TNFSF4: variants seen among roughly 807,000 people sequenced by gnomAD.
TNFSF4 encodes the protein tumor necrosis factor ligand superfamily member 4.
TNFSF4 carries 4 observed loss-of-function variants against 7.3 expected under a neutral mutation model. That is an observed-to-expected ratio of 0.55 (90% confidence interval 0.27 to 1.25). TNFSF4 has a LOEUF of 1.25. Ranked by LOEUF, TNFSF4 falls within the 50% of genes most tolerant of loss-of-function variation. The probability of loss-of-function intolerance (pLI) is 0.12; values close to 1 mark genes in which losing one functional copy is unlikely to be tolerated. For missense variants in TNFSF4, 181 were observed against 208.8 expected (o/e 0.87, Z 0.82); for synonymous variants, 76 against 83.7 (o/e 0.91, Z 0.50).
chr1:173,435,005 C>A, the TNFSF4 span, among the ~76,000 whole-genome samples: 11 of 152,294 alleles, frequency 7.2e-5, no homozygotes, highest in African/African-American at 2.6e-4. Context: ...TGAGGTTCCA[C>A]CTATGAGCTG....
chr1:173,389,031 T>C, the TNFSF4 span, among the ~76,000 whole-genome samples: 1 of 152,246 alleles, frequency 6.6e-6, no homozygotes, highest in South Asian at 2.1e-4. Context: ...GTATGTTATG[T>C]GCATATATAA....
chr1:173,441,602 T>A, the TNFSF4 span, among the ~76,000 whole-genome samples: 1 of 152,142 alleles, frequency 6.6e-6, no homozygotes, highest in Non-Finnish European at 1.5e-5. Context: ...CCAGCCTGGG[T>A]GACAGAGCGA....
chr1:173,395,048 TA>T, the TNFSF4 span, among the ~76,000 whole-genome samples: 4 of 149,454 alleles, frequency 2.7e-5, no homozygotes, highest in South Asian at 2.1e-4. Flanking sequence ...GATAGATAGA[TA>T]GATAGATAGA....
the TNFSF4 span, among the ~76,000 whole-genome samples, chr1:173,302,417 G>T: frequency 6.6e-6 from 1 of 151,810 alleles, no homozygotes; most frequent in African/African-American, 2.4e-5. Context: ...GAAAGAGAAG[G>T]GTAAACCAGC....
At chr1:173,352,726 A>G in the TNFSF4 span, among the ~76,000 whole-genome samples, 1 of 152,216 alleles carries the variant, frequency 6.6e-6, no homozygotes, top group African/African-American at 2.4e-5. Context: ...ACAGGGTTCA[A>G]GAGCAGAGAA....
the TNFSF4 span, among the ~76,000 whole-genome samples, chr1:173,236,985 A>C: frequency 6.6e-6 from 1 of 152,222 alleles, no homozygotes; most frequent in Admixed American, 6.5e-5. Context: ...GGGTAGAGCC[A>C]GATGGAGATA....
chr1:173,388,151 A>G, the TNFSF4 span, among the ~76,000 whole-genome samples: 12 of 152,262 alleles, frequency 7.9e-5, no homozygotes, highest in African/African-American at 2.7e-4. Flanking sequence ...AATAAATGCT[A>G]AATATAATAA....
chr1:173,221,425 A>G, the TNFSF4 span, among the ~76,000 whole-genome samples: 1 of 152,196 alleles, frequency 6.6e-6, no homozygotes, highest in Admixed American at 6.5e-5. Context: ...ATAAGATGTA[A>G]AGTGCCTTGA....
the TNFSF4 span, among the ~76,000 whole-genome samples, chr1:173,283,449 G>A: frequency 2.6e-5 from 4 of 152,100 alleles, no homozygotes; most frequent in Non-Finnish European, 4.4e-5. Context: ...CCCACAGTAA[G>A]CCAGAAACCT....
At chr1:173,291,388 A>G in the TNFSF4 span, among the ~76,000 whole-genome samples, 8 of 152,146 alleles carry the variant, frequency 5.3e-5, no homozygotes, top group African/African-American at 1.9e-4. Context: ...TCAACATGAG[A>G]TATGGGCAGG....
the TNFSF4 span, among the ~76,000 whole-genome samples, chr1:173,176,036 C>A: frequency 6.6e-6 from 1 of 152,082 alleles, no homozygotes; most frequent in Non-Finnish European, 1.5e-5. Context: ...GGGGCGTAGA[C>A]TCAAAATGAA....
the TNFSF4 span, among the ~76,000 whole-genome samples, chr1:173,380,810 G>A: frequency 6.6e-6 from 1 of 152,132 alleles, no homozygotes; most frequent in Non-Finnish European, 1.5e-5. Flanking sequence ...CTAGGAATAT[G>A]GGGAAAAGAA....
chr1:173,244,458 C>T, the TNFSF4 span, among the ~76,000 whole-genome samples: 220 of 151,516 alleles, frequency 1.5e-3, 1 homozygote, highest in African/African-American at 4.5e-3. Context: ...CCGGCTAAAA[C>T]GGTGAAACCC....
chr1:173,209,000 C>T (rs748828131), upstream of TNFSF4, among the ~76,000 whole-genome samples: 148 of 152,074 alleles, frequency 9.7e-4, no homozygotes, highest in Admixed American at 5.0e-3. Flanking sequence ...ATACTTGTAC[C>T]TTAAGCAGCA....
At chr1:173,364,173 G>C in the TNFSF4 span, among the ~76,000 whole-genome samples, 4 of 148,064 alleles carry the variant, frequency 2.7e-5, no homozygotes, top group Non-Finnish European at 5.9e-5. Context: ...TATCTATAGG[G>C]GATTAATTTA....
At chr1:173,420,451 C>T in the TNFSF4 span, among the ~76,000 whole-genome samples, 1 of 152,214 alleles carries the variant, frequency 6.6e-6, no homozygotes. Context: ...TTGGTGCCCT[C>T]TGGGTTTAGC....
At chr1:173,406,046 C>G in the TNFSF4 span, among the ~76,000 whole-genome samples, 1 of 152,166 alleles carries the variant, frequency 6.6e-6, no homozygotes, top group African/African-American at 2.4e-5. Flanking sequence ...TTTGAGTTAT[C>G]TGGTAAGGAG....
chr1:173,390,754 T>TTC, the TNFSF4 span, among the ~76,000 whole-genome samples: 2 of 149,952 alleles, frequency 1.3e-5, no homozygotes, highest in Middle Eastern at 3.4e-3. Flanking sequence ...TTTTTTCTTT[T>TTC]TTTTTTTTGA....
chr1:173,382,486 T>C, the TNFSF4 span, among the ~76,000 whole-genome samples: 1 of 152,224 alleles, frequency 6.6e-6, no homozygotes, highest in South Asian at 2.1e-4. Context: ...GACGGGTTGA[T>C]GAGTGCAGCA....
Sources: allele counts gnomAD v4.1 joint callset (sites outside exome capture counted in the v4.1 genomes callset), GRCh38; gene constraint gnomAD v4.1.1; transcripts MANE v1.5; gene names NCBI Gene and HGNC (gene_info 2026-07-23, HGNC 2026-07-21).